Variants in ALCAM observed in about 807,000 individuals in gnomAD.
ALCAM encodes the protein activated leukocyte cell adhesion molecule.
ALCAM carries 30 observed loss-of-function variants against 70.9 expected under a neutral mutation model. That is an observed-to-expected ratio of 0.42 (90% CI 0.32 to 0.57). The LOEUF (loss-of-function observed/expected upper bound fraction) is 0.57, where lower values mean the gene tolerates loss of function less well. Among genes scored for constraint, ALCAM ranks in the 20% least tolerant of loss-of-function variants. The probability of loss-of-function intolerance (pLI) is 0.11; values close to 1 mark genes in which losing one functional copy is unlikely to be tolerated. For missense variants in ALCAM, 591 were observed against 695.1 expected, an observed-to-expected ratio of 0.85 and a Z score of 1.68; for synonymous variants, 249 against 242.5, an observed-to-expected ratio of 1.03 and a Z score of -0.25.
intron 1 of ALCAM, among the ~76,000 whole-genome samples, chr3:105,395,325 C>T (rs1405963273): frequency 3.3e-5 from 5 of 151,898 alleles, no homozygotes; most frequent in African/African-American, 4.8e-5. Flanking sequence ...CACTGTAATC[C>T]TATAAAGTAT....
At chr3:105,426,031 T>C (rs1465179949) in intron 1 of ALCAM, among the ~76,000 whole-genome samples, 8 of 151,854 alleles carry the variant, frequency 5.3e-5, no homozygotes, top group South Asian at 2.1e-4. Flanking sequence ...ACAGCAAAAC[T>C]AAGCTTTATT....
chr3:105,534,926 C>A, intron 6 of ALCAM, 81 bp downstream of exon 6: 2 of 1,321,142 alleles, frequency 1.5e-6, no homozygotes, highest in Non-Finnish European at 2.0e-6. Context: ...AGGTCCCAAT[C>A]CAATTACTCT....
At chr3:105,446,508 T>G (rs1937301277) in intron 1 of ALCAM, among the ~76,000 whole-genome samples, 1 of 152,024 alleles carries the variant, frequency 6.6e-6, no homozygotes, top group Non-Finnish European at 1.5e-5. Flanking sequence ...GTTGAAGAGA[T>G]AGCTGCACTC....
intron 1 of ALCAM, among the ~76,000 whole-genome samples, chr3:105,475,322 T>C (rs1303458029): frequency 6.6e-6 from 1 of 152,020 alleles, no homozygotes; most frequent in Non-Finnish European, 1.5e-5. Flanking sequence ...ATTTAGTTTA[T>C]ATGCTAGCAA....
chr3:105,425,590 A>G lies in ALCAM; in HGVS notation c.73+58109A>G, dbSNP rs199978680. 7.2e-5 allele frequency among the ~76,000 whole-genome samples: 11 copies of G among 152,002 alleles called. No homozygotes were observed. The East Asian group carries it at 1.9e-3, about 27-fold the overall frequency. ...AACTACAGATGAAAGCATGCACAGA[A>G]AATTATAGTGGAAAGTTTTTAATTA... On this transcript the variant is annotated intron_variant, in intron 1 of 15. Coordinates refer to ENST00000306107, the MANE Select transcript of ALCAM (RefSeq NM_001627.4).
intron 1 of ALCAM, among the ~76,000 whole-genome samples, chr3:105,476,530 T>G (rs146106905): frequency 6.6e-6 from 1 of 152,206 alleles, no homozygotes; most frequent in East Asian, 1.9e-4. Context: ...CTGGTTCCAG[T>G]TAGTATACTT....
chr3:105,478,806 T>A (rs1938191334), intron 1 of ALCAM, among the ~76,000 whole-genome samples: 3 of 152,132 alleles, frequency 2.0e-5, no homozygotes. Flanking sequence ...AGAAGAAATC[T>A]CAAGATTGTG....
intron 14 of ALCAM, among the ~76,000 whole-genome samples, chr3:105,562,491 T>C (rs1269769275): frequency 2.0e-5 from 3 of 152,220 alleles, no homozygotes; most frequent in Non-Finnish European, 4.4e-5. Context: ...CATCTTAGTC[T>C]ATTATGATGT....
At chr3:105,372,416 G>A (rs1173799436) in intron 1 of ALCAM, among the ~76,000 whole-genome samples, 1 of 152,032 alleles carries the variant, frequency 6.6e-6, no homozygotes, top group Admixed American at 6.6e-5. Context: ...TCCAAATGTG[G>A]TATGGTATTC....
intron 1 of ALCAM, among the ~76,000 whole-genome samples, chr3:105,417,774 A>C (rs1275691915): frequency 6.6e-6 from 1 of 151,852 alleles, no homozygotes; most frequent in Non-Finnish European, 1.5e-5. Context: ...AGTAGTATTA[A>C]CATTGAATAG....
intron 14 of ALCAM, among the ~76,000 whole-genome samples, chr3:105,565,601 A>C (rs1280621231): frequency 6.6e-6 from 1 of 152,092 alleles, no homozygotes; most frequent in African/African-American, 2.4e-5. Flanking sequence ...GGGTTTTATT[A>C]ATTCATTTTT....
At chr3:105,568,369 G>A (rs1211591823) in intron 14 of ALCAM, among the ~76,000 whole-genome samples, 1 of 152,126 alleles carries the variant, frequency 6.6e-6, no homozygotes, top group African/African-American at 2.4e-5. Context: ...GGGATTACAG[G>A]TGTGAGCCAC....
intron 3 of ALCAM, 83 bp downstream of exon 3, chr3:105,524,591 C>T (rs1939648292): frequency 1.9e-6 from 3 of 1,575,630 alleles, no homozygotes; most frequent in Non-Finnish European, 2.6e-6. Context: ...AGACTGAACT[C>T]TCTGTAGTGT....
chr3:105,530,080 T>C lies in ALCAM; in HGVS notation c.395-1922T>C, dbSNP rs186379114. On this transcript the variant is annotated intron_variant, in intron 3 of 15. Transcript: ENST00000306107. Reference sequence around the variant, plus strand: ...TTTTTCTGTTCATTTTGACTCTTCATTGGCCACGTAAATTAACTGCATGTA... The same window carrying C: ...TTTTTCTGTTCATTTTGACTCTTCACTGGCCACGTAAATTAACTGCATGTA... Among the ~76,000 whole-genome samples the C allele has an allele frequency of 1.4e-4, 22 of 152,220 alleles. No individual in the cohort carries two copies. The East Asian group carries it at 2.7e-3, about 19-fold the overall frequency.
chr3:105,555,933 T>A (rs906216977), intron 14 of ALCAM, among the ~76,000 whole-genome samples: 2 of 151,928 alleles, frequency 1.3e-5, no homozygotes, highest in Non-Finnish European at 2.9e-5. Flanking sequence ...AATAGATGAC[T>A]CTGATTTTTT....
chr3:105,537,304 A>C (rs1939995247), intron 6 of ALCAM, among the ~76,000 whole-genome samples: 1 of 152,078 alleles, frequency 6.6e-6, no homozygotes, highest in South Asian at 2.1e-4. Flanking sequence ...GTATTTTTCC[A>C]ATGAATTGCA....
chr3:105,466,236 T>C (rs979957145), intron 1 of ALCAM, among the ~76,000 whole-genome samples: 3 of 151,402 alleles, frequency 2.0e-5, no homozygotes, highest in Admixed American at 1.3e-4. Flanking sequence ...TTTTCAGTGC[T>C]TGCTCCACCT....
At chr3:105,390,662 A>T (rs184384027) in intron 1 of ALCAM, among the ~76,000 whole-genome samples, 1 of 152,170 alleles carries the variant, frequency 6.6e-6, no homozygotes, top group Admixed American at 6.6e-5. Flanking sequence ...TTTGTCATGA[A>T]ATCTTTGCCC....
At chr3:105,437,604 A>C (rs1257104937) in intron 1 of ALCAM, among the ~76,000 whole-genome samples, 3 of 152,086 alleles carry the variant, frequency 2.0e-5, no homozygotes, top group African/African-American at 7.2e-5. Flanking sequence ...AATTAGCTAT[A>C]ATATTTAAGA....
Sources: gnomAD v4.1 joint callset for allele counts (sites outside exome capture counted in the v4.1 genomes callset) on GRCh38, gnomAD v4.1.1 for gene constraint, MANE v1.5 for transcripts, NCBI Gene and HGNC (gene_info 2026-07-23, HGNC 2026-07-21) for gene names.